Variants in CNTNAP2 observed in about 807,000 individuals in gnomAD.
CNTNAP2 encodes the protein contactin-associated protein-like 2.
CNTNAP2 carries 98 observed loss-of-function variants against 155.2 expected under a neutral mutation model. The observed-to-expected ratio is 0.63, with a 90% confidence interval of 0.54 to 0.75. The LOEUF (loss-of-function observed/expected upper bound fraction) is 0.75, where lower values mean the gene tolerates loss of function less well. CNTNAP2 is among the 30% of genes least tolerant of loss of function. The pLI is 0.00. For synonymous variants in CNTNAP2, 651 were observed against 631.2 expected, an observed-to-expected ratio of 1.03 and a Z score of -0.47; for missense variants, 1,727 against 1,688.1, an observed-to-expected ratio of 1.02 and a Z score of -0.40.
intron 1 of CNTNAP2, among the ~76,000 whole-genome samples, chr7:146,389,269 T>C (rs1795506330): frequency 6.6e-6 from 1 of 151,946 alleles, no homozygotes; most frequent in Non-Finnish European, 1.5e-5. Context: ...TTATTCCCTA[T>C]ATAAACCTAA....
At chr7:146,336,539 G>GAA (rs11382460) in intron 1 of CNTNAP2, among the ~76,000 whole-genome samples, 8,729 of 140,414 alleles carry the variant, frequency 0.062, 859 homozygotes, top group African/African-American at 0.21. Flanking sequence ...ATCCATAAAG[G>GAA]AAAAAAAAAA....
chr7:148,236,527 G>A (rs1004302721), intron 20 of CNTNAP2, among the ~76,000 whole-genome samples: 5 of 152,160 alleles, frequency 3.3e-5, no homozygotes, highest in African/African-American at 4.8e-5. Context: ...TGACACACAC[G>A]ACCATTCTGT....
chr7:147,121,993 T>C (rs901015005), intron 6 of CNTNAP2: 4 of 151,888 alleles, frequency 2.6e-5, no homozygotes, highest in African/African-American at 9.7e-5. Context: ...CGGACAAACA[T>C]GGTGAAACTC....
rs60644349 is a variant in CNTNAP2, at chr7:147,628,868, T to TAAAA, written c.1898-10222_1898-10219dup. 4.8e-4 allele frequency among the ~76,000 whole-genome samples: 56 copies of TAAAA among 117,196 alleles called. No individual in the cohort carries two copies. The South Asian group carries it at 5.0e-3, about 11-fold the overall frequency. 76.9% of individuals were successfully genotyped at this position (117,196 alleles called of 152,430 possible). ...AACAGACTTTAAAGCCAACAGCAGT[T>TAAAA]AAAAAAAAAAAAAAAAAAAGACAAA... On this transcript the variant is annotated intron_variant, in intron 12 of 23. Transcript: ENST00000361727.
chr7:147,975,463 T>C (rs1801413728), intron 14 of CNTNAP2, among the ~76,000 whole-genome samples: 1 of 152,002 alleles, frequency 6.6e-6, no homozygotes, highest in South Asian at 2.1e-4. Flanking sequence ...TTACAGAATG[T>C]CATAGAGATT....
At chr7:147,205,699 A>G (rs1803010993) in intron 8 of CNTNAP2, among the ~76,000 whole-genome samples, 1 of 151,926 alleles carries the variant, frequency 6.6e-6, no homozygotes, top group Non-Finnish European at 1.5e-5. Flanking sequence ...AAAAAAAAAA[A>G]GGAACTCAGG....
intron 3 of CNTNAP2, among the ~76,000 whole-genome samples, chr7:146,886,617 T>A (rs1795668275): frequency 6.6e-6 from 1 of 151,974 alleles, no homozygotes; most frequent in African/African-American, 2.4e-5. Flanking sequence ...GATGATCACA[T>A]CTTTTTCTTT....
Position 146,912,543 on chromosome 7 carries a change from A to G in CNTNAP2, c.402+72639A>G, listed in dbSNP as rs149443362. Among the ~76,000 whole-genome samples the G allele has an allele frequency of 2.1e-4, 32 of 152,242 alleles. 2 individuals carry two copies. In the East Asian group the frequency reaches 6.2e-3, roughly 29 times the overall value. ...AATTAATCTTTTGGTACTATACATC[A>G]ATTTATATTGAAATCATCAATTTAT... On this transcript the variant is annotated intron_variant, in intron 3 of 23. Transcript: ENST00000361727.
intron 12 of CNTNAP2, among the ~76,000 whole-genome samples, chr7:147,637,509 T>G (rs560668007): frequency 1.3e-5 from 2 of 152,312 alleles, no homozygotes; most frequent in Non-Finnish European, 2.9e-5. Flanking sequence ...TCTTTTAATC[T>G]ACAGCACGCT....
At chr7:146,714,842 GT>G (rs1275710539) in intron 1 of CNTNAP2, among the ~76,000 whole-genome samples, 1 of 152,098 alleles carries the variant, frequency 6.6e-6, no homozygotes, top group Non-Finnish European at 1.5e-5. Context: ...GTGATATATG[GT>G]CCTGTCCAGT....
chr7:147,809,689 A>G (rs1387194705), intron 13 of CNTNAP2, among the ~76,000 whole-genome samples: 2 of 152,208 alleles, frequency 1.3e-5, no homozygotes, highest in East Asian at 3.8e-4. Context: ...CTCCACAACT[A>G]GCAAGTTTAT....
intron 3 of CNTNAP2, among the ~76,000 whole-genome samples, chr7:146,851,039 C>T (rs993018778): frequency 1.3e-5 from 2 of 152,082 alleles, no homozygotes; most frequent in African/African-American, 4.8e-5. Flanking sequence ...GGCTGGAGTG[C>T]AGTTTCCCAA....
intron 20 of CNTNAP2, among the ~76,000 whole-genome samples, chr7:148,262,498 T>A (rs904254746): frequency 9.2e-5 from 14 of 152,158 alleles, no homozygotes; most frequent in Non-Finnish European, 1.6e-4. Flanking sequence ...TTCCGCAGGC[T>A]CTGAGAGGAG....
intron 21 of CNTNAP2, 127 bp downstream of exon 21, chr7:148,267,253 G>A: frequency 1.2e-6 from 1 of 820,098 alleles, no homozygotes. Context: ...TCTCTGTACA[G>A]GAAAGTTACG....
intron 11 of CNTNAP2, chr7:147,497,228 A>G (rs1450762491): frequency 6.6e-6 from 1 of 152,214 alleles, no homozygotes; most frequent in Non-Finnish European, 1.5e-5. Flanking sequence ...AAAACATTCA[A>G]GGGCTCGTAG....
intron 14 of CNTNAP2, among the ~76,000 whole-genome samples, chr7:147,975,606 A>T (rs1585056980): frequency 6.6e-6 from 1 of 152,164 alleles, no homozygotes; most frequent in African/African-American, 2.4e-5. Context: ...ACTTGTACCA[A>T]AGCTGACATA....
At chr7:146,913,976 C>T (rs1796342246) in intron 3 of CNTNAP2, among the ~76,000 whole-genome samples, 1 of 152,026 alleles carries the variant, frequency 6.6e-6, no homozygotes. Context: ...CACAGCTTAG[C>T]TCCCACTTAT....
intron 1 of CNTNAP2, among the ~76,000 whole-genome samples, chr7:146,287,981 T>C (rs1410869723): frequency 6.6e-6 from 1 of 152,164 alleles, no homozygotes; most frequent in Non-Finnish European, 1.5e-5. Flanking sequence ...GTCTTAAAAT[T>C]AGAAAATCGA....
In CNTNAP2 at chr7:146,613,551, C is replaced by T. The variant is rs138391246; in HGVS notation, c.98-160720C>T. On this transcript the variant is annotated intron_variant, in intron 1 of 23. Coordinates refer to ENST00000361727, the MANE Select transcript of CNTNAP2 (RefSeq NM_014141.6). Reference sequence around the variant, plus strand: ...ATACATTTTATTTAATCCAGTGTGTCGAAAGAGTAAAAAAAGATAAAATTA... The same window carrying T: ...ATACATTTTATTTAATCCAGTGTGTTGAAAGAGTAAAAAAAGATAAAATTA... Among the ~76,000 whole-genome samples the T allele has an allele frequency of 4.2e-3, 635 of 151,786 alleles. 6 individuals are homozygous for T. Among genetic ancestry groups the T allele is most frequent in the African/African-American group, 0.015 (606 of 41,392 alleles).
Sources: gnomAD v4.1 joint callset for allele counts (sites outside exome capture counted in the v4.1 genomes callset) on GRCh38, gnomAD v4.1.1 for gene constraint, MANE v1.5 for transcripts, NCBI Gene and HGNC (gene_info 2026-07-23, HGNC 2026-07-21) for gene names.